Variants in CD53 observed in about 807,000 individuals in gnomAD.
The protein encoded by CD53 is CD53 molecule.
In CD53, 20 loss-of-function variants were observed where a neutral mutation model predicts 27.3. The observed-to-expected ratio is 0.73, with a 90% CI of 0.52 to 1.07. The LOEUF is 1.07. Among genes scored for constraint, CD53 ranks in the 50% least tolerant of loss-of-function variants. The pLI is 0.00. For synonymous variants in CD53, 106 were observed against 105.3 expected (o/e 1.01, Z -0.04); for missense variants, 216 against 264.0 (o/e 0.82, Z 1.26).
intron 1 of CD53, among the ~76,000 whole-genome samples, chr1:110,882,871 T>C (rs1307609466): frequency 1.3e-5 from 2 of 152,090 alleles, no homozygotes; most frequent in Non-Finnish European, 2.9e-5. Context: ...TGGTTACTAG[T>C]GCATAGAATG....
chr1:110,888,278 G>T (rs1490303665), intron 1 of CD53, among the ~76,000 whole-genome samples: 1 of 152,210 alleles, frequency 6.6e-6, no homozygotes, highest in South Asian at 2.1e-4. Flanking sequence ...GCAAGCACCC[G>T]CTGCGAATCT....
chr1:110,874,055 G>A (rs1170516031), intron 1 of CD53, among the ~76,000 whole-genome samples: 1 of 152,196 alleles, frequency 6.6e-6, no homozygotes, highest in Non-Finnish European at 1.5e-5. Flanking sequence ...CAGAGCTTCG[G>A]TCCTGACTCT....
intron 5 of CD53, 48 bp downstream of exon 5, chr1:110,895,103 A>C (rs772288278): frequency 2.8e-5 from 39 of 1,383,148 alleles, no homozygotes; most frequent in Non-Finnish European, 3.0e-5. Flanking sequence ...CTTCATTTTC[A>C]AGCCTAAATC....
chr1:110,892,138 G>C lies in CD53; in HGVS notation c.64-207G>C, dbSNP rs191539182. 2.6e-4 allele frequency among the ~76,000 whole-genome samples: 39 copies of C among 152,356 alleles called. 1 individual carries two copies. Among genetic ancestry groups the C allele is most frequent in the South Asian group, 1.0e-3 (5 of 4,834 alleles). ...TTCCTTGGTATCTGGAGATGGGTAG[G>C]AAGAGTTGTGAGTAGGTCTCCACAT... On this transcript the variant is annotated intron_variant, in intron 2 of 7. Transcript: ENST00000271324.
upstream of CD53, among the ~76,000 whole-genome samples, chr1:110,871,417 G>T (rs546036137): frequency 1.3e-5 from 2 of 152,256 alleles, no homozygotes; most frequent in Admixed American, 1.3e-4. Flanking sequence ...GGTTTCTCAT[G>T]AACGTGGCTG....
At chr1:110,874,274 T>G (rs1319962737) in intron 1 of CD53, among the ~76,000 whole-genome samples, 6 of 152,198 alleles carry the variant, frequency 3.9e-5, no homozygotes, top group Non-Finnish European at 5.9e-5. Flanking sequence ...CCAAAACACC[T>G]CAGAGTTTAT....
At chr1:110,886,123 G>A (rs1570903093) in intron 1 of CD53, among the ~76,000 whole-genome samples, 1 of 151,942 alleles carries the variant, frequency 6.6e-6, no homozygotes, top group African/African-American at 2.4e-5. Context: ...TTTTTATTGG[G>A]TATAGATTTT....
chr1:110,891,062 G>C (rs1656833550), intron 1 of CD53, among the ~76,000 whole-genome samples: 1 of 152,252 alleles, frequency 6.6e-6, no homozygotes, highest in African/African-American at 2.4e-5. Flanking sequence ...GGCACTAGTT[G>C]CTAATGCTGC....
intron 2 of CD53, 94 bp downstream of exon 2, chr1:110,891,565 G>A (rs957987142): frequency 6.5e-6 from 6 of 927,992 alleles, no homozygotes; most frequent in East Asian, 4.9e-5. Context: ...GGGGTAAAAT[G>A]CATGCGTGTT....
At chr1:110,897,780 G>A (rs747143108) in intron 6 of CD53, 29 bp from the exon 7 acceptor site, 43 of 1,345,614 alleles carry the variant, frequency 3.2e-5, no homozygotes, top group Admixed American at 1.0e-4. Context: ...TTATAGAGTA[G>A]TATCATTTGT....
chr1:110,894,177 C>A, intron 3 of CD53, 150 bp from the exon 4 acceptor site: 1 of 666,286 alleles, frequency 1.5e-6, no homozygotes, highest in Non-Finnish European at 2.7e-6. Context: ...CACATATTTT[C>A]ACAAAACAAA....
At chr1:110,893,373 A>G (rs1261646627) in intron 3 of CD53, among the ~76,000 whole-genome samples, 2 of 152,014 alleles carry the variant, frequency 1.3e-5, no homozygotes, top group Admixed American at 6.6e-5. Context: ...CCCAGGCTGG[A>G]GTGCAATGGC....
chr1:110,886,831 C>T (rs12737759), intron 1 of CD53, among the ~76,000 whole-genome samples: 60,210 of 141,044 alleles, frequency 0.43, 14,417 homozygotes, highest in Admixed American at 0.55. Context: ...GGCAACAGAG[C>T]GAGACTCTGT....
At chr1:110,892,701 A>G in intron 3 of CD53, 168 bp downstream of exon 3, 1 of 627,222 alleles carries the variant, frequency 1.6e-6, no homozygotes, top group South Asian at 2.0e-5. Flanking sequence ...ATTATGTATG[A>G]CTAGGGTCCC....
chr1:110,889,553 G>A (rs936075467), intron 1 of CD53, among the ~76,000 whole-genome samples: 2 of 106,306 alleles, frequency 1.9e-5, no homozygotes, highest in Non-Finnish European at 4.0e-5. Context: ...GCAAAACTCC[G>A]TCAAATAAAT....
intron 2 of CD53, 97 bp downstream of exon 2, chr1:110,891,568 T>C: frequency 1.1e-6 from 1 of 903,014 alleles, no homozygotes; most frequent in Non-Finnish European, 1.9e-6. Context: ...GTAAAATGCA[T>C]GCGTGTTTGG....
rs769906141 is a variant in CD53, at chr1:110,897,817, T to C, written c.513T>C (p.Tyr171=). The change falls in exon 7 of 8, where the codon TAT becomes TAC. Residue 171 remains tyrosine, a synonymous_variant. Transcript: ENST00000271324. ...ACTGAAATGTCTTCTAGGGTTGCTA[T>C]GCGAAAGCAAGACTGTGGTTTCATT... ...CPSDRKVEGC[Y]AKARLWFHSN... The C allele has an allele frequency of 1.6e-5, 25 of 1,604,662 alleles. No individual in the cohort carries two copies. Among genetic ancestry groups the C allele is most frequent in the Middle Eastern group, 3.3e-4 (2 of 6,072 alleles).
upstream of CD53, among the ~76,000 whole-genome samples, chr1:110,872,997 G>A (rs1490286349): frequency 6.6e-6 from 1 of 152,164 alleles, no homozygotes; most frequent in Non-Finnish European, 1.5e-5. Context: ...AGGGTGGGCT[G>A]TGAGAGGAAG....
intron 1 of CD53, among the ~76,000 whole-genome samples, chr1:110,878,853 C>A (rs1229813193): frequency 6.6e-6 from 1 of 152,174 alleles, no homozygotes; most frequent in Non-Finnish European, 1.5e-5. Context: ...TCAATCTTAG[C>A]ATACAAAGGT....
Sources: gnomAD v4.1 joint callset for allele counts (sites outside exome capture counted in the v4.1 genomes callset) on GRCh38, gnomAD v4.1.1 for gene constraint, MANE v1.5 for transcripts, NCBI Gene and HGNC (gene_info 2026-07-23, HGNC 2026-07-21) for gene names.